LAMB4: variants seen among roughly 807,000 people sequenced by gnomAD.
LAMB4 encodes the protein laminin subunit beta-4.
LAMB4 carries 196 observed loss-of-function variants against 199.2 expected under a neutral mutation model. That is an observed-to-expected ratio of 0.98 (90% CI 0.88 to 1.11). The LOEUF is 1.11. LAMB4 is among the 50% of genes least tolerant of loss of function. The pLI is 0.00. For synonymous variants in LAMB4, 744 were observed against 770.6 expected, an observed-to-expected ratio of 0.97 and a Z score of 0.57; for missense variants, 2,080 against 2,171.2, an observed-to-expected ratio of 0.96 and a Z score of 0.83.
intron 29 of LAMB4, among the ~76,000 whole-genome samples, chr7:108,038,694 C>T (rs1009475241): frequency 6.6e-6 from 1 of 152,150 alleles, no homozygotes; most frequent in Non-Finnish European, 1.5e-5. Flanking sequence ...CATCAGCCAT[C>T]GTTAGTGTTA....
intron 25 of LAMB4, among the ~76,000 whole-genome samples, chr7:108,055,272 C>T (rs757331496): frequency 2.6e-5 from 4 of 151,042 alleles, no homozygotes; most frequent in African/African-American, 7.3e-5. Context: ...CTGTAACCTT[C>T]GCCTCCTGGG....
intron 17 of LAMB4, among the ~76,000 whole-genome samples, chr7:108,072,756 G>A (rs564371423): frequency 1.8e-3 from 272 of 152,226 alleles, no homozygotes; most frequent in Non-Finnish European, 3.1e-3. Flanking sequence ...TATAGTAGGC[G>A]CTTCATAGAA....
In LAMB4 at chr7:108,079,769, G is replaced by T; in HGVS notation, c.1719C>A (p.Gly573=). The change falls in exon 15 of 34, where the codon GGC becomes GGA. Residue 573 remains glycine, a synonymous_variant. Coordinates refer to ENST00000388781, the MANE Select transcript of LAMB4 (RefSeq NM_007356.3). Reference sequence around the variant, plus strand: ...AAACAACGTGAACAGCAGGACTCTGGCCAAACGTCTCCGAGCCCTAAAATG... The same window carrying T: ...AAACAACGTGAACAGCAGGACTCTGTCCAAACGTCTCCGAGCCCTAAAATG... The part of the protein sequence containing the change: ...GLAPLGSETF[G]QSPAVHVVLG... 3 of 1,591,868 alleles carry T rather than the reference G, an allele frequency of 1.9e-6. No individual in the cohort carries two copies. The highest frequency in any genetic ancestry group is 2.6e-6 in the Non-Finnish European group (3 of 1,170,994).
At chr7:108,040,696 T>C (rs1368771930) in intron 29 of LAMB4, among the ~76,000 whole-genome samples, 1 of 152,244 alleles carries the variant, frequency 6.6e-6, no homozygotes, top group Non-Finnish European at 1.5e-5. Flanking sequence ...GTGGGATAAC[T>C]GGCTAGCCAT....
intron 2 of LAMB4, among the ~76,000 whole-genome samples, chr7:108,116,420 G>T (rs553308537): frequency 6.6e-6 from 1 of 152,152 alleles, no homozygotes; most frequent in African/African-American, 2.4e-5. Flanking sequence ...CTTCTAAAAT[G>T]TGTTGAACTG....
In LAMB4 at chr7:108,065,904, G is replaced by A. The variant is rs776546176; in HGVS notation, c.2694C>T (p.Tyr898=). ...GRNCERCIDG[Y]YGNPSSGQPC... is the part of the protein sequence containing the mutation. ...GCTGTCCTGAAGAAGGATTTCCATAGTAACCATCAATACACCTGTCAAGAC... is the reference window on the plus strand; with the variant it reads ...GCTGTCCTGAAGAAGGATTTCCATAATAACCATCAATACACCTGTCAAGAC... Residue 898 remains tyrosine, a synonymous_variant, in exon 21 of 34, where the codon TAC becomes TAT. Coordinates refer to ENST00000388781, the MANE Select transcript of LAMB4 (RefSeq NM_007356.3). 1.1e-5 allele frequency: 18 copies of A among 1,613,714 alleles called. No homozygotes were observed. The highest frequency in any genetic ancestry group is 2.2e-5 in the East Asian group (1 of 44,880).
chr7:108,028,199 A>G (rs2034904280), intron 33 of LAMB4, among the ~76,000 whole-genome samples: 2 of 152,212 alleles, frequency 1.3e-5, no homozygotes, highest in South Asian at 2.1e-4. Flanking sequence ...TAGATGACCT[A>G]GTGCCCTAGA....
Position 108,106,539 on chromosome 7 carries a change from T to C in LAMB4, c.625A>G (p.Ile209Val), listed in dbSNP as rs2038020243. The stretch of plus-strand genomic sequence containing the variant: ...ATGTAGGGGCTATAAGGGTTTTCAA[T>C]TTCAAAACTGGGATCCAAAACTTTT... ...VLKVLDPSFE[I>V]ENPYSPYIQD... The change falls in exon 7 of 34, where the codon ATT becomes GTT. Residue 209 changes from isoleucine to valine, a missense_variant. Transcript: ENST00000388781. The C allele has an allele frequency of 6.3e-7, 1 of 1,583,454 alleles. No homozygotes were observed. The highest frequency in any genetic ancestry group is 8.7e-7 in the Non-Finnish European group (1 of 1,153,608).
chr7:108,114,392 T>C (rs888476640), intron 3 of LAMB4, among the ~76,000 whole-genome samples: 37 of 152,122 alleles, frequency 2.4e-4, no homozygotes, highest in Non-Finnish European at 5.3e-4. Flanking sequence ...TGAGCTGTGA[T>C]CATGCTACTG....
At chr7:108,014,332 GT>G in the LAMB4 span, among the ~76,000 whole-genome samples, 1 of 152,180 alleles carries the variant, frequency 6.6e-6, no homozygotes, top group African/African-American at 2.4e-5. Flanking sequence ...TTTGAGTTGA[GT>G]AGGAAGTGTT....
chr7:108,012,956 C>G, the LAMB4 span, among the ~76,000 whole-genome samples: 2 of 152,166 alleles, frequency 1.3e-5, no homozygotes, highest in Non-Finnish European at 2.9e-5. Flanking sequence ...CCCTTTCAGC[C>G]TCACTGCCCA....
At position 108,026,949 on chromosome 7, in the gene LAMB4, C is replaced by G. The variant is rs759121775; in HGVS notation, c.5146+2094G>C. 7.8e-6 allele frequency: 4 copies of G among 512,648 alleles called. No homozygotes were observed. The East Asian group carries it at 2.2e-4, about 28-fold the overall frequency. 31.8% of individuals were successfully genotyped at this position (512,648 alleles called of 1,614,324 possible). The stretch of plus-strand genomic sequence containing the variant: ...GAAAAGAGAAAAGGCAGTAGAATGC[C>G]TTATTTTAGACCTCCCTGAGAAGCC... On this transcript the variant is annotated intron_variant, in intron 33 of 33. Coordinates refer to ENST00000388781, the MANE Select transcript of LAMB4 (RefSeq NM_007356.3).
intron 9 of LAMB4, among the ~76,000 whole-genome samples, chr7:108,104,230 A>G (rs2037918258): frequency 6.6e-6 from 1 of 152,224 alleles, no homozygotes. Flanking sequence ...TTGCCATTAA[A>G]TGGCTCCATC....
At chr7:108,065,670 T>G (rs1209019663) in intron 21 of LAMB4, 92 bp downstream of exon 21, 1 of 1,070,354 alleles carries the variant, frequency 9.3e-7, no homozygotes, top group Non-Finnish European at 1.4e-6. Context: ...CACACATTTG[T>G]CCAAGACAGA....
intron 26 of LAMB4, among the ~76,000 whole-genome samples, chr7:108,051,029 T>C (rs1173624278): frequency 2.6e-5 from 4 of 152,308 alleles, no homozygotes; most frequent in East Asian, 1.9e-4. Context: ...TGTCAGGCAT[T>C]GGAAAAAAGC....
intron 25 of LAMB4, 40 bp downstream of exon 25, chr7:108,055,592 T>G: frequency 6.4e-7 from 1 of 1,574,100 alleles, no homozygotes; most frequent in Non-Finnish European, 8.6e-7. Context: ...TTAAGGTAAA[T>G]CAGGAGTTTG....
At chr7:108,024,774 T>C (rs1313579855) in intron 33 of LAMB4, among the ~76,000 whole-genome samples, 1 of 150,428 alleles carries the variant, frequency 6.6e-6, no homozygotes, top group Non-Finnish European at 1.5e-5. Flanking sequence ...TCCATCTATC[T>C]ATACATTCAT....
chr7:108,075,049 C>G (rs1396298501), intron 17 of LAMB4, among the ~76,000 whole-genome samples: 5 of 152,142 alleles, frequency 3.3e-5, no homozygotes, highest in Admixed American at 3.3e-4. Flanking sequence ...TTCTTCCATT[C>G]TCTTTAATTT....
At chr7:108,107,532 T>TA (rs1240787045) in intron 6 of LAMB4, 99 bp downstream of exon 6, 8 of 897,930 alleles carry the variant, frequency 8.9e-6, no homozygotes, top group African/African-American at 8.6e-5. Flanking sequence ...CAGCCCAACT[T>TA]ACATTACAGT....
Sources: allele counts gnomAD v4.1 joint callset (sites outside exome capture counted in the v4.1 genomes callset), GRCh38; gene constraint gnomAD v4.1.1; transcripts MANE v1.5; gene names NCBI Gene and HGNC (gene_info 2026-07-23, HGNC 2026-07-21).